The following PPA2 variants were observed in gnomAD, a reference collection of about 807,000 sequenced individuals.
PPA2 encodes the protein inorganic pyrophosphatase 2.
PPA2 carries 48 observed loss-of-function variants against 49.5 expected under a neutral mutation model. That is an observed-to-expected ratio of 0.97 (90% confidence interval 0.77 to 1.23). PPA2 has a LOEUF of 1.23. PPA2 is among the 50% of genes most tolerant of loss of function. The pLI is 0.00. For synonymous variants in PPA2, 131 were observed against 139.9 expected (o/e 0.94, Z 0.45); for missense variants, 429 against 410.1 (o/e 1.05, Z -0.40).
chr4:105,423,022 T>C (rs1179416799), intron 7 of PPA2, among the ~76,000 whole-genome samples: 1 of 152,130 alleles, frequency 6.6e-6, no homozygotes, highest in Non-Finnish European at 1.5e-5. Flanking sequence ...CTAAAAAATG[T>C]TTTTAACTAA....
intron 6 of PPA2, among the ~76,000 whole-genome samples, chr4:105,430,751 A>G (rs1723760314): frequency 6.6e-6 from 1 of 152,228 alleles, no homozygotes; most frequent in Non-Finnish European, 1.5e-5. Context: ...GATAGTCTAG[A>G]TAAGGGTAGT....
chr4:105,471,278 C>T (rs1439691392), intron 1 of PPA2, among the ~76,000 whole-genome samples: 1 of 152,140 alleles, frequency 6.6e-6, no homozygotes, highest in Non-Finnish European at 1.5e-5. Flanking sequence ...TCAGGGCTGG[C>T]ACCAAGGAGG....
chr4:105,430,649 T>C (rs977922809), intron 6 of PPA2, among the ~76,000 whole-genome samples: 6 of 152,066 alleles, frequency 3.9e-5, no homozygotes, highest in African/African-American at 1.2e-4. Context: ...TTCTCTAATA[T>C]GATAAAAGGA....
intron 5 of PPA2, among the ~76,000 whole-genome samples, chr4:105,441,997 C>T (rs1724389882): frequency 7.2e-6 from 1 of 137,974 alleles, no homozygotes. Flanking sequence ...GACTTTCCCA[C>T]TACCATCACT....
At chr4:105,409,771 T>C (rs946144131) in intron 7 of PPA2, among the ~76,000 whole-genome samples, 4 of 152,176 alleles carry the variant, frequency 2.6e-5, no homozygotes, top group Admixed American at 6.5e-5. Flanking sequence ...CCCAGGCGAA[T>C]AGGGTCTGGA....
At chr4:105,429,470 GA>G (rs1380675007) in intron 6 of PPA2, among the ~76,000 whole-genome samples, 1 of 152,002 alleles carries the variant, frequency 6.6e-6, no homozygotes, top group African/African-American at 2.4e-5. Flanking sequence ...AAAAAGTTAA[GA>G]AAAAAGTCAT....
At chr4:105,463,989 G>A (rs1481129709) in intron 1 of PPA2, among the ~76,000 whole-genome samples, 3 of 152,178 alleles carry the variant, frequency 2.0e-5, no homozygotes, top group Admixed American at 2.0e-4. Context: ...CCCTATTGGG[G>A]CACTGCCTAG....
At chr4:105,428,316 A>C (rs1723623562) in intron 6 of PPA2, among the ~76,000 whole-genome samples, 1 of 152,212 alleles carries the variant, frequency 6.6e-6, no homozygotes, top group Admixed American at 6.5e-5. Flanking sequence ...ACCAGCTAGC[A>C]TCCTAATGAC....
At chr4:105,382,999 T>C (rs537786393) in intron 10 of PPA2, among the ~76,000 whole-genome samples, 1 of 97,806 alleles carries the variant, frequency 1.0e-5, no homozygotes, top group East Asian at 3.6e-4. Flanking sequence ...CAAGACCCTG[T>C]GTCTCAAAAA....
chr4:105,421,158 T>A (rs927130441), intron 7 of PPA2, among the ~76,000 whole-genome samples: 1 of 152,116 alleles, frequency 6.6e-6, no homozygotes, highest in Non-Finnish European at 1.5e-5. Context: ...AATATACAAC[T>A]TAGAGTTATT....
At chr4:105,436,862 A>C (rs113594856) in intron 6 of PPA2, among the ~76,000 whole-genome samples, 1,901 of 152,292 alleles carry the variant, frequency 0.012, 32 homozygotes, top group African/African-American at 0.034. Flanking sequence ...CTGAAACTAT[A>C]AAAATTCCTG....
Position 105,369,731 on chromosome 4 carries a change from G to A in PPA2, c.999C>T (p.Gly333=). 6.3e-7 allele frequency: 1 copy of A among 1,591,716 alleles called. No homozygotes were observed. Among genetic ancestry groups the A allele is most frequent in the Non-Finnish European group, 8.6e-7 (1 of 1,159,724 alleles). The change falls in exon 12 of 12, where the codon GGC becomes GGT. Residue 333 remains glycine (G), a synonymous_variant. Coordinates refer to ENST00000341695, the MANE Select transcript of PPA2 (RefSeq NM_176869.3). ...NEEEQVWHFL[G]K is the part of the protein sequence containing the mutation. ...AGAATTTCAGATGTTTCAATCACTT[G>A]CCAAGGAAGTGCCACACTTGCTCTG...
intron 10 of PPA2, among the ~76,000 whole-genome samples, chr4:105,382,824 C>G (rs1186458772): frequency 2.0e-5 from 3 of 151,990 alleles, no homozygotes; most frequent in African/African-American, 7.3e-5. Flanking sequence ...TATAGCAAAA[C>G]TCCCACTCTA....
At chr4:105,370,925 G>T (rs1378964691) in intron 10 of PPA2, 52 bp from the exon 11 acceptor site, 1 of 1,407,440 alleles carries the variant, frequency 7.1e-7, no homozygotes, top group South Asian at 1.4e-5. Flanking sequence ...ATTTATATGT[G>T]GAAAGCGCAT....
intron 9 of PPA2, among the ~76,000 whole-genome samples, chr4:105,387,114 A>G (rs899019855): frequency 1.3e-5 from 2 of 152,148 alleles, no homozygotes; most frequent in African/African-American, 2.4e-5. Flanking sequence ...TTGTTTTCTT[A>G]TATGTAGGGA....
intron 9 of PPA2, among the ~76,000 whole-genome samples, chr4:105,389,255 A>G (rs1352122131): frequency 1.3e-5 from 2 of 152,158 alleles, no homozygotes; most frequent in Non-Finnish European, 2.9e-5. Flanking sequence ...AAATCAAAAA[A>G]TCACACTATG....
chr4:105,409,292 C>T (rs567237078), intron 7 of PPA2, among the ~76,000 whole-genome samples: 21 of 152,248 alleles, frequency 1.4e-4, no homozygotes, highest in Non-Finnish European at 2.5e-4. Context: ...GAGCCTTGTT[C>T]ACTGCTAGCG....
intron 9 of PPA2, 53 bp downstream of exon 9, chr4:105,396,196 T>C: frequency 1.8e-6 from 2 of 1,106,588 alleles, no homozygotes; most frequent in Non-Finnish European, 2.6e-6. Flanking sequence ...ATTATGTGGC[T>C]GTTTAATACC....
At chr4:105,387,723 G>GT in intron 9 of PPA2, among the ~76,000 whole-genome samples, 1 of 151,930 alleles carries the variant, frequency 6.6e-6, no homozygotes. Context: ...GTTTACTTAC[G>GT]TAACAAAACT....
Sources: allele counts gnomAD v4.1 joint callset (sites outside exome capture counted in the v4.1 genomes callset), GRCh38; gene constraint gnomAD v4.1.1; transcripts MANE v1.5; gene names NCBI Gene and HGNC (gene_info 2026-07-23, HGNC 2026-07-21).